The following MEGF6 variants were observed in gnomAD, a reference collection of about 807,000 sequenced individuals.
MEGF6 encodes the protein multiple EGF like domains 6, also known as multiple epidermal growth factor-like domains protein 6.
MEGF6 carries 184 observed loss-of-function variants against 207.1 expected under a neutral mutation model. The observed-to-expected ratio is 0.89, with a 90% CI of 0.79 to 1.00. The LOEUF is 1.00. MEGF6 is among the 50% of genes least tolerant of loss of function. The pLI is 0.00. For synonymous variants in MEGF6, 1,038 were observed against 910.0 expected (o/e 1.14, Z -2.53); for missense variants, 2,282 against 2,202.9 (o/e 1.04, Z -0.72).
rs1036749202 is a variant in MEGF6, at chr1:3,548,817, C to T, written c.482-24571G>A. 2.6e-5 allele frequency among the ~76,000 whole-genome samples: 4 copies of T among 152,312 alleles called. No homozygotes were observed. The South Asian group carries it at 6.2e-4, about 24-fold the overall frequency. On this transcript the variant is annotated intron_variant, in intron 4 of 36. Coordinates refer to ENST00000356575, the MANE Select transcript of MEGF6 (RefSeq NM_001409.4). The stretch of plus-strand genomic sequence containing the variant: ...GGGGCAGCCTCACAGCCACCCACCC[C>T]GACCCTGCTAGGCTCCACGGGGAAA...
chr1:3,534,577 C>T (rs537130762), intron 4 of MEGF6, among the ~76,000 whole-genome samples: 26 of 152,296 alleles, frequency 1.7e-4, no homozygotes, highest in Middle Eastern at 3.4e-3. Flanking sequence ...AGTCAACAAA[C>T]GTGGGAGTGG....
rs865833922 is a variant in MEGF6, at chr1:3,496,727, C to T, written c.3670G>A (p.Gly1224Arg). 5.1e-6 allele frequency: 8 copies of T among 1,559,750 alleles called. No individual in the cohort carries two copies. The highest frequency in any genetic ancestry group is 4.8e-5 in the East Asian group (2 of 41,506). The change falls in exon 29 of 37, where the codon GGG becomes AGG. Residue 1224 changes from glycine to arginine, a missense_variant. Gly to Arg is a moderately radical substitution (Grantham distance 125). Transcript: ENST00000356575. ...CCCGTGGCCGCATCACAGGAGCCCC[C>T]GTTGAGACACCCACACAGCTGTTCA... The part of the protein sequence containing the change: ...GCEQLCGCLN[G>R]GSCDAATGAC...
chr1:3,580,847 C>A (rs1643779808), intron 3 of MEGF6, among the ~76,000 whole-genome samples: 1 of 152,126 alleles, frequency 6.6e-6, no homozygotes, highest in African/African-American at 2.4e-5. Context: ...CCCCCTGCCC[C>A]ACCCCGGAGC....
At chr1:3,602,346 G>T in intron 2 of MEGF6, 120 bp downstream of exon 2, 1 of 1,418,196 alleles carries the variant, frequency 7.1e-7, no homozygotes, top group Non-Finnish European at 9.5e-7. Context: ...TTCAGGCAGG[G>T]GTTGCGTGTG....
At chr1:3,531,465 C>G (rs946673364) in intron 4 of MEGF6, 5 of 1,090,238 alleles carry the variant, frequency 4.6e-6, no homozygotes, top group Non-Finnish European at 5.6e-6. Context: ...CCCTCCGCCC[C>G]GCAGGTAAAG....
At chr1:3,557,994 T>C (rs375378846) in intron 4 of MEGF6, among the ~76,000 whole-genome samples, 1 of 152,164 alleles carries the variant, frequency 6.6e-6, no homozygotes, top group South Asian at 2.1e-4. Context: ...GCCCTCTGCA[T>C]AGGAAGCATG....
intron 4 of MEGF6, among the ~76,000 whole-genome samples, chr1:3,558,135 C>T (rs1159575308): frequency 2.6e-5 from 4 of 152,188 alleles, no homozygotes; most frequent in African/African-American, 9.6e-5. Context: ...GCAGGACACA[C>T]ATCACCCAGC....
In MEGF6 at chr1:3,500,638, T is replaced by A; in HGVS notation, c.2702A>T (p.Glu901Val). The A allele has an allele frequency of 6.4e-7, 1 of 1,556,772 alleles. No homozygotes were observed. Among genetic ancestry groups the A allele is most frequent in the Non-Finnish European group, 8.7e-7 (1 of 1,150,634 alleles). ...AAGGCAGGGCCGGGACTCACGCTGC[T>A]CGCACCGCGGGCCCACGTAGCCAGC... is the stretch of plus-strand genomic sequence containing the variant. ...CEAGYVGPRCEQQCPQGHFGP... is the reference protein window; with the variant it reads ...CEAGYVGPRCVQQCPQGHFGP... Residue 901 changes from glutamate (E) to valine (V), a missense_variant, in exon 21 of 37, where the codon GAG (glutamate) becomes GTG (valine). By Grantham distance (121) the Glu-to-Val change is moderately radical (BLOSUM62 -2). Coordinates refer to ENST00000356575, the MANE Select transcript of MEGF6 (RefSeq NM_001409.4).
Position 3,490,240 on chromosome 1 carries a change from G to A in MEGF6, c.*288C>T, listed in dbSNP as rs986612794. On this transcript the variant is annotated 3_prime_UTR_variant, in exon 37 of 37. Coordinates refer to ENST00000356575, the MANE Select transcript of MEGF6 (RefSeq NM_001409.4). ...TGTCCTCAGTCCAACTCAGAGCCGC[G>A]GGGAGAGCGGGACTTCCTCAGCCCA... The A allele has an allele frequency of 2.2e-5, 11 of 494,206 alleles. No individual in the cohort carries two copies. Among genetic ancestry groups the A allele is most frequent in the East Asian group, 3.7e-5 (1 of 26,668 alleles). 30.6% of individuals were successfully genotyped at this position (494,206 alleles called of 1,614,324 possible). A position where few individuals can be genotyped will look rare whatever the true frequency, so the allele number is the denominator to read the frequency against.
In MEGF6 at chr1:3,493,839, G is replaced by C; in HGVS notation, c.4319C>G (p.Ala1440Gly). The C allele has an allele frequency of 6.2e-7, 1 of 1,605,266 alleles. No individual in the cohort carries two copies. Among genetic ancestry groups the C allele is most frequent in the Non-Finnish European group, 8.5e-7 (1 of 1,176,624 alleles). ...CHQRCDCDGGAPCDPVTGLCL... is the reference protein window; with the variant it reads ...CHQRCDCDGGGPCDPVTGLCL... ...GAGACCGGTGACAGGGTCACAGGGT[G>C]CCCCCCCGTCACAGTCACAGCGCTG... Residue 1440 changes from alanine to glycine, a missense_variant, in exon 34 of 37, where the codon GCA becomes GGA. Transcript: ENST00000356575.
chr1:3,533,660 G>T (rs974981067), intron 4 of MEGF6, among the ~76,000 whole-genome samples: 4 of 152,176 alleles, frequency 2.6e-5, no homozygotes, highest in Non-Finnish European at 1.5e-5. Context: ...TCCAGGAGGT[G>T]CACGACCGGC....
At chr1:3,549,461 G>A (rs1300553139) in intron 4 of MEGF6, among the ~76,000 whole-genome samples, 1 of 152,210 alleles carries the variant, frequency 6.6e-6, no homozygotes, top group Non-Finnish European at 1.5e-5. Context: ...CCAAAACCCA[G>A]GACCGGGGTG....
chr1:3,497,025 T>G lies in MEGF6; in HGVS notation c.3576A>C (p.Ser1192=). 6.4e-7 allele frequency: 1 copy of G among 1,552,310 alleles called. No homozygotes were observed. Among genetic ancestry groups the G allele is most frequent in the Non-Finnish European group, 8.7e-7 (1 of 1,148,372 alleles). The change falls in exon 28 of 37, where the codon TCA becomes TCC. Residue 1192 remains serine (S), a synonymous_variant. Coordinates refer to ENST00000356575, the MANE Select transcript of MEGF6 (RefSeq NM_001409.4). ...PACHPATGTC[S]CAAGYHGPSC... is the part of the protein sequence containing the mutation. The stretch of plus-strand genomic sequence containing the variant: ...TGGGGCCGTGGTAGCCAGCAGCACA[T>G]GAGCAGGTCCCGGTGGCAGGGTGGC...
At chr1:3,512,164 G>T (rs1641376542) in intron 7 of MEGF6, 36 bp from the exon 8 acceptor site, 2 of 1,565,014 alleles carry the variant, frequency 1.3e-6, no homozygotes, top group African/African-American at 2.7e-5. Context: ...GCTCAGAGGT[G>T]CCAGGAAGGG....
At chr1:3,597,538 G>A (rs1570230990) in intron 2 of MEGF6, among the ~76,000 whole-genome samples, 1 of 152,224 alleles carries the variant, frequency 6.6e-6, no homozygotes, top group Non-Finnish European at 1.5e-5. Flanking sequence ...TTCACCTGCA[G>A]TCAAGTTAAC....
chr1:3,603,259 AC>A (rs1268596095), intron 1 of MEGF6, among the ~76,000 whole-genome samples: 1 of 151,642 alleles, frequency 6.6e-6, no homozygotes, highest in African/African-American at 2.4e-5. Flanking sequence ...AGCCATCCAG[AC>A]CCCACCGGGC....
rs1276314112 is a variant in MEGF6 at position 3,565,055 on chromosome 1, C to A, written c.481+14770G>T. 6.6e-6 allele frequency among the ~76,000 whole-genome samples: 1 copy of A among 152,180 alleles called. No individual in the cohort carries two copies. The highest frequency in any genetic ancestry group is 1.5e-5 in the Non-Finnish European group (1 of 68,036). On this transcript the variant is annotated intron_variant, in intron 4 of 36. Transcript: ENST00000356575. The surrounding 1 kb of genome is among the most constrained non-coding windows in gnomAD (Gnocchi z 4.8). ...GCACCAGGACGCGGACCCAGGAGGG[C>A]AGGGGTTTTGCTGGACTGGCTGGTG...
intron 17 of MEGF6, 115 bp downstream of exon 17, chr1:3,505,093 C>A: frequency 6.9e-7 from 1 of 1,441,060 alleles, no homozygotes; most frequent in South Asian, 1.3e-5. Context: ...TGGGCTTAGG[C>A]AAAGGGGGCC....
At chr1:3,558,238 G>A (rs905427706) in intron 4 of MEGF6, among the ~76,000 whole-genome samples, 7 of 152,272 alleles carry the variant, frequency 4.6e-5, no homozygotes, top group East Asian at 1.9e-4. Context: ...CAGTGCCACC[G>A]TCCCTGCCTC....
Sources: allele counts gnomAD v4.1 joint callset (sites outside exome capture counted in the v4.1 genomes callset), GRCh38; gene constraint gnomAD v4.1.1; non-coding constraint Gnocchi (gnomAD v3.1); transcripts MANE v1.5; gene names NCBI Gene and HGNC (gene_info 2026-07-23, HGNC 2026-07-21).